Variants in SNRPB2 observed in about 807,000 individuals in gnomAD.
The protein encoded by SNRPB2 is small nuclear ribonucleoprotein polypeptide B2, also known as U2 small nuclear ribonucleoprotein B''.
SNRPB2 carries 16 observed loss-of-function variants against 26.3 expected under a neutral mutation model. The observed-to-expected ratio is 0.61, with a 90% CI of 0.41 to 0.92. SNRPB2 has a LOEUF of 0.92. Ranked by LOEUF, SNRPB2 falls within the 40% of genes least tolerant of loss-of-function variation. SNRPB2 has a pLI of 0.00. For missense variants in SNRPB2, 179 were observed against 268.1 expected (o/e 0.67, Z 2.32); for synonymous variants, 75 against 89.0 (o/e 0.84, Z 0.88).
intron 1 of SNRPB2, chr20:16,730,808 G>T (rs913541618): frequency 1.3e-5 from 2 of 152,238 alleles, no homozygotes; most frequent in African/African-American, 4.8e-5. Flanking sequence ...CAATAGTGTG[G>T]TATATGAGGA....
At chr20:16,731,370 G>A (rs2072389172) in intron 1 of SNRPB2, among the ~76,000 whole-genome samples, 1 of 152,160 alleles carries the variant, frequency 6.6e-6, no homozygotes, top group Admixed American at 6.5e-5. Flanking sequence ...TCATTGAGGA[G>A]GTGGAAAGAA....
At chr20:16,736,167 A>G (rs187246533) in intron 3 of SNRPB2, among the ~76,000 whole-genome samples, 5 of 152,376 alleles carry the variant, frequency 3.3e-5, no homozygotes, top group African/African-American at 1.2e-4. Context: ...TGTTAAAAGC[A>G]ACGGCATAGA....
intron 2 of SNRPB2, 24 bp from the exon 3 acceptor site, chr20:16,732,140 T>G: frequency 6.8e-7 from 1 of 1,474,584 alleles, no homozygotes; most frequent in Middle Eastern, 1.9e-4. Flanking sequence ...TACCAATAAC[T>G]TGTTTCTTTT....
At chr20:16,740,764 T>G in intron 6 of SNRPB2, 82 bp from the exon 7 acceptor site, 1 of 1,038,754 alleles carries the variant, frequency 9.6e-7, no homozygotes. Flanking sequence ...GGACTAGTAT[T>G]AGGAAGTTGC....
Position 16,731,680 on chromosome 20 carries a change from C to T in SNRPB2, c.-23C>T, listed in dbSNP as rs767880514. On this transcript the variant is annotated 5_prime_UTR_variant, in exon 2 of 7. Coordinates refer to ENST00000246071, the MANE Select transcript of SNRPB2 (RefSeq NM_003092.5). ...CTTTTTATAACAGATTTTTTACTGTCTCCTGAAGAATTTAACACAAACATG... is the reference window on the plus strand; with the variant it reads ...CTTTTTATAACAGATTTTTTACTGTTTCCTGAAGAATTTAACACAAACATG... The T allele has an allele frequency of 1.5e-5, 24 of 1,610,830 alleles. No homozygotes were observed. Among genetic ancestry groups the T allele is most frequent in the Non-Finnish European group, 2.0e-5 (24 of 1,178,104 alleles).
At chr20:16,730,285 G>A (rs2073054) in intron 1 of SNRPB2, 121 bp downstream of exon 1, 42,032 of 152,632 alleles carry the variant, frequency 0.28, 6,068 homozygotes, top group East Asian at 0.37. Context: ...GGCCTTGGGC[G>A]AAGGTGCTTG....
At chr20:16,731,901 G>A in intron 2 of SNRPB2, 135 bp downstream of exon 2, 1 of 1,412,088 alleles carries the variant, frequency 7.1e-7, no homozygotes, top group Non-Finnish European at 9.5e-7. Context: ...TTTCCTATAG[G>A]GATTTGAAGG....
chr20:16,735,881 T>A (rs927086298), intron 3 of SNRPB2, among the ~76,000 whole-genome samples: 1 of 152,248 alleles, frequency 6.6e-6, no homozygotes, highest in African/African-American at 2.4e-5. Flanking sequence ...TTCCCAGTCT[T>A]CTGTACTTTT....
intron 5 of SNRPB2, among the ~76,000 whole-genome samples, chr20:16,740,099 CAT>C (rs2072453686): frequency 6.6e-6 from 1 of 152,056 alleles, no homozygotes; most frequent in South Asian, 2.1e-4. Flanking sequence ...AAGCTTAAAA[CAT>C]AATTGTTTCA....
intron 6 of SNRPB2, 32 bp from the exon 7 acceptor site, chr20:16,740,814 C>G: frequency 6.6e-7 from 1 of 1,518,396 alleles, no homozygotes; most frequent in Middle Eastern, 2.1e-4. Flanking sequence ...TATGTACTTG[C>G]TGTATACATG....
rs745748608 is a variant in SNRPB2, at chr20:16,741,174, C to T, written c.*169C>T. The T allele has an allele frequency of 4.7e-5, 24 of 509,000 alleles. No individual in the cohort carries two copies. Among genetic ancestry groups the T allele is most frequent in the East Asian group, 9.0e-5 (3 of 33,310 alleles). The allele number at this position is 509,000 out of a possible 1,614,324, so 31.5% of individuals were successfully genotyped here. ...TTTAGCCTTGGTGAACTATGAAATA[C>T]GAAGGCCTTAATTTTGTACAATAAA... On this transcript the variant is annotated 3_prime_UTR_variant, in exon 7 of 7. Transcript: ENST00000246071.
chr20:16,735,411 T>C (rs2072418934), intron 3 of SNRPB2, among the ~76,000 whole-genome samples: 1 of 150,932 alleles, frequency 6.6e-6, no homozygotes, highest in South Asian at 2.1e-4. Context: ...GAAATGGAGG[T>C]TGGAGATTGC....
At chr20:16,740,010 C>T (rs1296161560) in intron 5 of SNRPB2, among the ~76,000 whole-genome samples, 1 of 150,814 alleles carries the variant, frequency 6.6e-6, no homozygotes, top group African/African-American at 2.4e-5. Context: ...GGTGACATTG[C>T]TGGCCATCTC....
intron 1 of SNRPB2, chr20:16,730,593 G>A (rs1015875869): frequency 2.0e-5 from 3 of 152,190 alleles, no homozygotes; most frequent in African/African-American, 7.2e-5. Context: ...CGATTTAGGG[G>A]GTCGCAAGGC....
chr20:16,735,929 A>G (rs968042163), intron 3 of SNRPB2, among the ~76,000 whole-genome samples: 1 of 152,250 alleles, frequency 6.6e-6, no homozygotes, highest in African/African-American at 2.4e-5. Flanking sequence ...CACATTCCAC[A>G]GCTGCGACAC....
chr20:16,731,195 G>T (rs2072387777), intron 1 of SNRPB2, among the ~76,000 whole-genome samples: 1 of 152,178 alleles, frequency 6.6e-6, no homozygotes, highest in Non-Finnish European at 1.5e-5. Flanking sequence ...TTGGAGTCCA[G>T]ACAGCTTGGT....
intron 3 of SNRPB2, among the ~76,000 whole-genome samples, chr20:16,733,872 G>A (rs1356577543): frequency 6.6e-6 from 1 of 152,112 alleles, no homozygotes; most frequent in Non-Finnish European, 1.5e-5. Flanking sequence ...GCCTATCCCA[G>A]GAAACTGTGG....
At position 16,740,338 on chromosome 20, in the gene SNRPB2, C is replaced by T; in HGVS notation, c.443C>T (p.Pro148Leu). The T allele has an allele frequency of 6.2e-7, 1 of 1,610,966 alleles. No homozygotes were observed. Among genetic ancestry groups the T allele is most frequent in the Non-Finnish European group, 8.5e-7 (1 of 1,178,760 alleles). ...STPNPQVPDY[P>L]PNYILFLNNL... The stretch of plus-strand genomic sequence containing the variant: ...ACTTTTTAATAGGTCCCTGATTACC[C>T]TCCAAACTATATTTTATTCCTTAAT... Residue 148 changes from proline (P) to leucine (L), a missense_variant, in exon 6 of 7, where the codon CCT becomes CTT. Transcript: ENST00000246071.
chr20:16,730,288 G>A (rs1358453446), intron 1 of SNRPB2, 124 bp downstream of exon 1: 1 of 152,736 alleles, frequency 6.5e-6, no homozygotes, highest in Admixed American at 6.5e-5. Flanking sequence ...CTTGGGCGAA[G>A]GTGCTTGTGT....
Sources: allele counts gnomAD v4.1 joint callset (sites outside exome capture counted in the v4.1 genomes callset), GRCh38; gene constraint gnomAD v4.1.1; transcripts MANE v1.5; gene names NCBI Gene and HGNC (gene_info 2026-07-23, HGNC 2026-07-21).